SLC24A2: variants seen among roughly 807,000 people sequenced by gnomAD.
The protein encoded by SLC24A2 is sodium/potassium/calcium exchanger 2.
A neutral mutation model predicts 62.0 loss-of-function variants in SLC24A2; 36 were observed. The observed-to-expected ratio is 0.58, with a 90% CI of 0.44 to 0.77. The LOEUF (loss-of-function observed/expected upper bound fraction) is 0.77. Among genes scored for constraint, SLC24A2 ranks in the 30% least tolerant of loss-of-function variants. The pLI is 0.00. For missense variants in SLC24A2, 846 were observed against 817.9 expected (o/e 1.03, Z -0.42); for synonymous variants, 358 against 294.0 (o/e 1.22, Z -2.23).
chr9:19,981,317 A>G, the SLC24A2 span, among the ~76,000 whole-genome samples: 1 of 152,190 alleles, frequency 6.6e-6, no homozygotes, highest in Admixed American at 6.5e-5. Context: ...TCACTGAAAT[A>G]CGAAGCAGAA....
the SLC24A2 span, among the ~76,000 whole-genome samples, chr9:20,031,957 A>T: frequency 6.6e-6 from 1 of 151,412 alleles, no homozygotes; most frequent in African/African-American, 2.5e-5. Flanking sequence ...TATCAATATG[A>T]TATCAGAGAA....
rs186222539 is a variant in SLC24A2 at position 19,721,817 on chromosome 9, T to A, written c.930+64120A>T. On this transcript the variant is annotated intron_variant, in intron 2 of 10. Transcript: ENST00000341998. The stretch of plus-strand genomic sequence containing the variant: ...TTTGCCATATAAACTTTATTTCCTT[T>A]GTGAGCCTTTATGTTTGTGTATTGA... Among the ~76,000 whole-genome samples, 33 of 152,306 alleles carry A rather than the reference T, an allele frequency of 2.2e-4. 1 individual carries two copies. The highest frequency in any genetic ancestry group is 7.5e-4 in the African/African-American group (31 of 41,590).
At chr9:19,873,705 T>A in the SLC24A2 span, among the ~76,000 whole-genome samples, 5 of 152,116 alleles carry the variant, frequency 3.3e-5, no homozygotes, top group African/African-American at 7.2e-5. Context: ...TATGTGTGAA[T>A]TTTAGAGACA....
chr9:19,607,473 T>C (rs1194048024), intron 4 of SLC24A2, among the ~76,000 whole-genome samples: 3 of 151,998 alleles, frequency 2.0e-5, no homozygotes, highest in East Asian at 1.9e-4. Flanking sequence ...TCCCAGCACA[T>C]TGGGAGGAGG....
the SLC24A2 span, among the ~76,000 whole-genome samples, chr9:20,224,887 G>C: frequency 6.6e-6 from 1 of 152,024 alleles, no homozygotes; most frequent in Non-Finnish European, 1.5e-5. Flanking sequence ...TGGCTGATGG[G>C]AGCTACTTCA....
chr9:20,133,869 A>G, the SLC24A2 span, among the ~76,000 whole-genome samples: 3 of 152,196 alleles, frequency 2.0e-5, no homozygotes, highest in Non-Finnish European at 4.4e-5. Flanking sequence ...AAAGACAAAT[A>G]CCTATGAGAA....
the SLC24A2 span, among the ~76,000 whole-genome samples, chr9:20,181,101 G>T: frequency 6.6e-6 from 1 of 152,024 alleles, no homozygotes; most frequent in African/African-American, 2.4e-5. Context: ...AAAACTCCAG[G>T]TACCAAATTG....
Position 19,775,130 on chromosome 9 carries a change from T to G in SLC24A2, c.930+10807A>C, listed in dbSNP as rs192203957. Among the ~76,000 whole-genome samples the G allele has an allele frequency of 5.2e-3, 791 of 152,332 alleles. 2 individuals are homozygous for G. The highest frequency in any genetic ancestry group is 7.4e-3 in the Admixed American group (113 of 15,306). ...ACCCTTTAAAACTGTGAACACTACA[T>G]TAAATATGGCCTGGCGCCCAGATCC... is the stretch of plus-strand genomic sequence containing the variant. On this transcript the variant is annotated intron_variant, in intron 2 of 10. Transcript: ENST00000341998.
intron 8 of SLC24A2, 55 bp downstream of exon 8, chr9:19,550,082 C>G (rs1834768845): frequency 1.3e-6 from 2 of 1,575,474 alleles, no homozygotes; most frequent in Admixed American, 1.7e-5. Flanking sequence ...GACTATGCAC[C>G]CTGTTATGTA....
the SLC24A2 span, among the ~76,000 whole-genome samples, chr9:19,871,296 C>T: frequency 5.3e-4 from 80 of 152,134 alleles, 1 homozygote; most frequent in South Asian, 2.1e-3. Context: ...AAGATTTTTT[C>T]GTCTTTCAAT....
the SLC24A2 span, among the ~76,000 whole-genome samples, chr9:20,003,457 C>T: frequency 2.0e-5 from 3 of 152,110 alleles, no homozygotes; most frequent in Non-Finnish European, 4.4e-5. Flanking sequence ...CATTTTGGTA[C>T]AGTAGTCCTA....
the SLC24A2 span, among the ~76,000 whole-genome samples, chr9:20,082,543 C>A: frequency 1.3e-5 from 2 of 152,356 alleles, no homozygotes; most frequent in South Asian, 2.1e-4. Flanking sequence ...GCCTCCCATG[C>A]TCTGAGGTGG....
chr9:20,043,632 G>A, the SLC24A2 span, among the ~76,000 whole-genome samples: 1 of 152,228 alleles, frequency 6.6e-6, no homozygotes, highest in African/African-American at 2.4e-5. Flanking sequence ...CACTGCAGAT[G>A]TGGTGGGAAT....
chr9:19,725,412 G>C (rs1354377017), intron 2 of SLC24A2, among the ~76,000 whole-genome samples: 3 of 152,142 alleles, frequency 2.0e-5, no homozygotes, highest in Admixed American at 6.6e-5. Flanking sequence ...AGTAGTTTAG[G>C]TAAGAATTTG....
At chr9:20,014,474 T>C in the SLC24A2 span, among the ~76,000 whole-genome samples, 1 of 145,594 alleles carries the variant, frequency 6.9e-6, no homozygotes, top group Non-Finnish European at 1.5e-5. Flanking sequence ...ATGGAACAGA[T>C]GAATGGATAA....
At position 19,552,983 on chromosome 9, in the gene SLC24A2, C is replaced by G. The variant is rs146533747; in HGVS notation, c.1348-2715G>C. ...GGCAGAAATGGACTAGGAGAAGAGA[C>G]TATGTCTCAGGCTGTGCCAACAGGG... On this transcript the variant is annotated intron_variant, in intron 7 of 10. Coordinates refer to ENST00000341998, the MANE Select transcript of SLC24A2 (RefSeq NM_020344.4). Among the ~76,000 whole-genome samples, 121 of 152,316 alleles carry G rather than the reference C, an allele frequency of 7.9e-4. 1 individual carries two copies. The highest frequency in any genetic ancestry group is 2.8e-3 in the African/African-American group (118 of 41,564).
At chr9:20,019,220 AC>A in the SLC24A2 span, among the ~76,000 whole-genome samples, 22 of 127,004 alleles carry the variant, frequency 1.7e-4, no homozygotes, top group South Asian at 2.6e-3. Context: ...AGAAAGAAAG[AC>A]AGAAAGAAAG....
chr9:20,265,829 G>C, the SLC24A2 span, among the ~76,000 whole-genome samples: 1 of 152,198 alleles, frequency 6.6e-6, no homozygotes, highest in African/African-American at 2.4e-5. Context: ...TTCTCAGCAA[G>C]GAACATTCCT....
intron 5 of SLC24A2, among the ~76,000 whole-genome samples, chr9:19,584,273 T>TAAAAAAAAAAA (rs5896848): frequency 1.0e-4 from 12 of 119,932 alleles, no homozygotes; most frequent in African/African-American, 2.2e-4. Context: ...TAGCAAATAG[T>TAAAAAAAAAAA]AAAAAAAAAA....
Sources: gnomAD v4.1 joint callset for allele counts (sites outside exome capture counted in the v4.1 genomes callset) on GRCh38, gnomAD v4.1.1 for gene constraint, MANE v1.5 for transcripts, NCBI Gene and HGNC (gene_info 2026-07-23, HGNC 2026-07-21) for gene names.